DGLUCY: variants seen among roughly 807,000 people sequenced by gnomAD.
DGLUCY encodes the protein D-glutamate cyclase.
A neutral mutation model predicts 58.5 loss-of-function variants in DGLUCY; 58 were observed. The ratio of observed to expected loss-of-function variants is 0.99; its 90% CI spans 0.80 to 1.23. DGLUCY has a LOEUF of 1.23. DGLUCY is among the 50% of genes most tolerant of loss of function. DGLUCY has a pLI of 0.00. For synonymous variants in DGLUCY, 325 were observed against 314.1 expected (o/e 1.03, Z -0.37); for missense variants, 779 against 784.7 (o/e 0.99, Z 0.09).
chr14:91,108,441 G>C (rs901882044), intron 1 of DGLUCY, among the ~76,000 whole-genome samples: 1 of 147,988 alleles, frequency 6.8e-6, no homozygotes, highest in Non-Finnish European at 1.5e-5. Context: ...GGCCGTCTAA[G>C]TCTTTAGACT....
In DGLUCY at chr14:91,189,283, C is replaced by T. The variant is rs114088416; in HGVS notation, c.1195+113C>T. The T allele has an allele frequency of 1.6e-3, 2,218 of 1,352,976 alleles. 28 individuals are homozygous for T. In the African/African-American group the frequency reaches 0.027, roughly 16 times the overall value. The allele number at this position is 1,352,976 out of a possible 1,614,324, so 83.8% of individuals were successfully genotyped here. A position where few individuals can be genotyped will look rare whatever the true frequency, so the allele number is the denominator to read the frequency against. On this transcript the variant is annotated intron_variant, in intron 9 of 13. Coordinates refer to ENST00000256324, the MANE Select transcript of DGLUCY (RefSeq NM_001102368.3). ...TTCTCCTTCCAGCTCAGAACAACTC[C>T]GTTGTAAGCTGCATAGCTTGATTTC...
At chr14:91,193,394 C>T (rs1453068670) in intron 9 of DGLUCY, among the ~76,000 whole-genome samples, 1 of 152,144 alleles carries the variant, frequency 6.6e-6, no homozygotes, top group Non-Finnish European at 1.5e-5. Context: ...AGAGCTGGGT[C>T]TTGTCTCTTG....
chr14:91,221,506 A>G (rs1887496790), intron 13 of DGLUCY, among the ~76,000 whole-genome samples: 1 of 151,492 alleles, frequency 6.6e-6, no homozygotes, highest in Non-Finnish European at 1.5e-5. Context: ...GCATGGATGG[A>G]TGGATAGTGG....
At chr14:91,101,744 T>A (rs2044490602) in intron 1 of DGLUCY, among the ~76,000 whole-genome samples, 1 of 152,238 alleles carries the variant, frequency 6.6e-6, no homozygotes, top group African/African-American at 2.4e-5. Flanking sequence ...GATCTTGCTC[T>A]GTTACCCAGG....
chr14:91,077,965 C>G (rs769754768), intron 1 of DGLUCY, among the ~76,000 whole-genome samples: 1 of 152,208 alleles, frequency 6.6e-6, no homozygotes. Flanking sequence ...CAAACAGACT[C>G]TGCTTGTAGT....
chr14:91,130,453 A>C (rs1198004719), intron 1 of DGLUCY, among the ~76,000 whole-genome samples: 2 of 151,704 alleles, frequency 1.3e-5, no homozygotes, highest in Non-Finnish European at 2.9e-5. Context: ...GACTACAGGC[A>C]CAAGCCGCCA....
intron 12 of DGLUCY, 28 bp downstream of exon 12, chr14:91,204,853 G>A (rs746926058): frequency 2.1e-5 from 34 of 1,613,200 alleles, no homozygotes; most frequent in African/African-American, 1.9e-4. Flanking sequence ...CGCCCAGTCC[G>A]GCCGGCTACC....
At chr14:91,104,705 G>A (rs944406044), upstream of DGLUCY, among the ~76,000 whole-genome samples, 4 of 152,084 alleles carry the variant, frequency 2.6e-5, no homozygotes, top group Non-Finnish European at 4.4e-5. Context: ...GCCTGACTCC[G>A]TCCTGGGCTC....
chr14:91,095,738 C>T (rs1359140289), intron 1 of DGLUCY, among the ~76,000 whole-genome samples: 1 of 152,078 alleles, frequency 6.6e-6, no homozygotes, highest in Admixed American at 6.5e-5. Flanking sequence ...AATGGCAGCT[C>T]TCCTTTATAC....
At chr14:91,151,439 C>T (rs1328225114) in intron 1 of DGLUCY, among the ~76,000 whole-genome samples, 5 of 151,998 alleles carry the variant, frequency 3.3e-5, no homozygotes, top group African/African-American at 7.2e-5. Context: ...GACAGGGTTT[C>T]ACCATGCTAG....
At chr14:91,140,260 C>T (rs559823666) in intron 1 of DGLUCY, among the ~76,000 whole-genome samples, 2 of 152,350 alleles carry the variant, frequency 1.3e-5, no homozygotes, top group East Asian at 3.9e-4. Context: ...CTATTCTTAG[C>T]TCACAAACCT....
intron 1 of DGLUCY, among the ~76,000 whole-genome samples, chr14:91,082,140 A>G (rs1205469779): frequency 1.3e-5 from 2 of 152,196 alleles, no homozygotes; most frequent in Non-Finnish European, 2.9e-5. Flanking sequence ...AGCCTGCTAT[A>G]GCTGGGTAAC....
At chr14:91,220,417 T>C (rs1232943396) in intron 13 of DGLUCY, 1 of 447,474 alleles carries the variant, frequency 2.2e-6, no homozygotes, top group Non-Finnish European at 4.5e-6. Flanking sequence ...CTTCTTATCA[T>C]GACAAGGTCC....
chr14:91,064,820 G>T (rs1332612043), intron 1 of DGLUCY, among the ~76,000 whole-genome samples: 1 of 152,002 alleles, frequency 6.6e-6, no homozygotes, highest in Non-Finnish European at 1.5e-5. Flanking sequence ...GTCAACTTGG[G>T]TACCACTGAT....
At chr14:91,157,262 AATGGG>A (rs1566971938) in intron 1 of DGLUCY, among the ~76,000 whole-genome samples, 33 of 28,456 alleles carry the variant, frequency 1.2e-3, no homozygotes, top group African/African-American at 5.2e-3. Context: ...TGGATGAATG[AATGGG>A]TGGATGGATG....
chr14:91,112,748 G>A (rs574814324), upstream of DGLUCY, among the ~76,000 whole-genome samples: 25 of 152,024 alleles, frequency 1.6e-4, no homozygotes, highest in East Asian at 2.5e-3. Flanking sequence ...GGCTGGGAGC[G>A]GTGGCTGACA....
rs923015863 is a variant in DGLUCY at position 91,204,906 on chromosome 14, T to A, written c.1564+81T>A. 14 of 1,584,622 alleles carry A rather than the reference T, an allele frequency of 8.8e-6. No homozygotes were observed. In the Admixed American group the frequency reaches 1.6e-4, roughly 18 times the overall value. On this transcript the variant is annotated intron_variant, in intron 12 of 13. Transcript: ENST00000256324. ...CTTGGAGCCTGACCAGGCCAGAAGCTCTTCTTCTCTGCAGTCAGTCCATAG... is the reference window on the plus strand; with the variant it reads ...CTTGGAGCCTGACCAGGCCAGAAGCACTTCTTCTCTGCAGTCAGTCCATAG...
chr14:91,171,889 C>A (rs991691818), intron 5 of DGLUCY, among the ~76,000 whole-genome samples: 4 of 152,132 alleles, frequency 2.6e-5, no homozygotes, highest in Non-Finnish European at 4.4e-5. Context: ...AGAGTGAACA[C>A]CAGCTCCTCC....
upstream of DGLUCY, among the ~76,000 whole-genome samples, chr14:91,105,394 G>C (rs2044571201): frequency 6.6e-6 from 1 of 152,168 alleles, no homozygotes; most frequent in Admixed American, 6.6e-5. Context: ...GGACTCACCA[G>C]ATCACATCGA....
Sources: gnomAD v4.1 joint callset for allele counts (sites outside exome capture counted in the v4.1 genomes callset) on GRCh38, gnomAD v4.1.1 for gene constraint, MANE v1.5 for transcripts, NCBI Gene and HGNC (gene_info 2026-07-23, HGNC 2026-07-21) for gene names.